Variants in ZC2HC1A observed in about 807,000 individuals in gnomAD.
ZC2HC1A encodes the protein zinc finger C2HC-type containing 1A.
In ZC2HC1A, 28 loss-of-function variants were observed where a neutral mutation model predicts 40.7. That is an observed-to-expected ratio of 0.69 (90% CI 0.51 to 0.94). The LOEUF is 0.94. ZC2HC1A is among the 40% of genes least tolerant of loss of function. The pLI is 0.00. For synonymous variants in ZC2HC1A, 129 were observed against 129.2 expected (o/e 1.00, Z 0.01); for missense variants, 389 against 386.3 (o/e 1.01, Z -0.06).
chr8:78,676,625 C>T (rs1809587020), intron 2 of ZC2HC1A, among the ~76,000 whole-genome samples: 1 of 151,976 alleles, frequency 6.6e-6, no homozygotes, highest in South Asian at 2.1e-4. Flanking sequence ...TGTGCATCCT[C>T]TTACTATTTC....
At chr8:78,673,840 A>T (rs1375474129) in intron 1 of ZC2HC1A, among the ~76,000 whole-genome samples, 1 of 152,114 alleles carries the variant, frequency 6.6e-6, no homozygotes, top group Admixed American at 6.5e-5. Flanking sequence ...TGAAGTAATG[A>T]CATTCTTCTC....
In ZC2HC1A at chr8:78,666,105, G is replaced by A. The variant is rs1045187808; in HGVS notation, c.-44G>A. ...GCTACAGCCAGAGCTGGGCGGTGGC[G>A]GGCGCTGCTGAAGGAGTCTCGCTGA... On this transcript the variant is annotated 5_prime_UTR_variant, in exon 1 of 9. Coordinates refer to ENST00000263849, the MANE Select transcript of ZC2HC1A (RefSeq NM_016010.3). The A allele has an allele frequency of 2.6e-6, 4 of 1,557,344 alleles. No homozygotes were observed. The highest frequency in any genetic ancestry group is 2.4e-5 in the East Asian group (1 of 41,788).
chr8:78,709,694 C>T (rs1586028138), intron 7 of ZC2HC1A, among the ~76,000 whole-genome samples: 2 of 148,992 alleles, frequency 1.3e-5, no homozygotes, highest in East Asian at 2.0e-4. Flanking sequence ...ATAAAATACA[C>T]GAACGCTAAT....
chr8:78,692,693 G>A (rs1810249392), intron 5 of ZC2HC1A, among the ~76,000 whole-genome samples: 3 of 151,948 alleles, frequency 2.0e-5, no homozygotes, highest in African/African-American at 4.8e-5. Context: ...TGGTTATATA[G>A]CCACTTCACC....
intron 1 of ZC2HC1A, 45 bp downstream of exon 1, chr8:78,666,209 GA>G: frequency 6.4e-7 from 1 of 1,562,834 alleles, no homozygotes; most frequent in Admixed American, 1.9e-5. Flanking sequence ...GAGCGGGCCC[GA>G]AACAGCTGGG....
At chr8:78,704,482 G>C (rs879458453) in intron 7 of ZC2HC1A, among the ~76,000 whole-genome samples, 2 of 151,886 alleles carry the variant, frequency 1.3e-5, no homozygotes, top group Admixed American at 6.6e-5. Flanking sequence ...AGTCTGATGG[G>C]CTTTCCTTTG....
chr8:78,706,854 A>G (rs952019600), intron 7 of ZC2HC1A, among the ~76,000 whole-genome samples: 6 of 152,210 alleles, frequency 3.9e-5, no homozygotes, highest in Admixed American at 6.5e-5. Flanking sequence ...CTAAAGGAAT[A>G]TAATGTAATT....
At chr8:78,673,756 A>G (rs1418538975) in intron 1 of ZC2HC1A, among the ~76,000 whole-genome samples, 2 of 152,184 alleles carry the variant, frequency 1.3e-5, no homozygotes, top group African/African-American at 2.4e-5. Context: ...TTATAGTGCT[A>G]TGCTCTATGA....
intron 5 of ZC2HC1A, among the ~76,000 whole-genome samples, chr8:78,692,226 A>G (rs1021373264): frequency 2.0e-5 from 3 of 152,100 alleles, no homozygotes; most frequent in African/African-American, 7.2e-5. Flanking sequence ...TGGTACTACC[A>G]TTCAGTTCTC....
chr8:78,693,945 A>C lies in ZC2HC1A; in HGVS notation c.505-3462A>C, dbSNP rs189338574. ...GGAAGGGATCCAGTTTCAGCTTTCT[A>C]CATATGGCTAGCCAGTTTTCCCAGC... is the stretch of plus-strand genomic sequence containing the variant. On this transcript the variant is annotated intron_variant, in intron 5 of 8. Transcript: ENST00000263849. Among the ~76,000 whole-genome samples, 243 of 152,254 alleles carry C rather than the reference A, an allele frequency of 1.6e-3. 5 individuals carry two copies. The highest frequency in any genetic ancestry group is 0.014 in the Admixed American group (221 of 15,294).
chr8:78,686,927 G>A (rs1414354598), intron 4 of ZC2HC1A, among the ~76,000 whole-genome samples: 1 of 152,090 alleles, frequency 6.6e-6, no homozygotes, highest in Non-Finnish European at 1.5e-5. Context: ...ACTGCGGATT[G>A]AAATGTAGTC....
chr8:78,697,905 C>T (rs1350105554), intron 6 of ZC2HC1A, among the ~76,000 whole-genome samples: 2 of 152,096 alleles, frequency 1.3e-5, no homozygotes, highest in African/African-American at 2.4e-5. Context: ...ATCTCTATCT[C>T]CTGAACTCGT....
intron 8 of ZC2HC1A, 144 bp from the exon 9 acceptor site, chr8:78,717,184 G>A (rs1305075224): frequency 1.5e-6 from 1 of 687,124 alleles, no homozygotes; most frequent in Admixed American, 3.6e-5. Context: ...TACTAACAAG[G>A]ATTTTTTAAA....
intron 7 of ZC2HC1A, among the ~76,000 whole-genome samples, chr8:78,711,612 T>C (rs962224363): frequency 2.0e-5 from 3 of 152,110 alleles, no homozygotes; most frequent in Non-Finnish European, 4.4e-5. Context: ...GTAGAGAAAG[T>C]TTCCATGAAT....
intron 1 of ZC2HC1A, among the ~76,000 whole-genome samples, chr8:78,666,410 G>GC (rs1396885984): frequency 6.6e-6 from 1 of 152,232 alleles, no homozygotes; most frequent in African/African-American, 2.4e-5. Context: ...GCCAGATCCT[G>GC]CCCCTGGCAA....
At chr8:78,679,880 A>G (rs146548595) in intron 3 of ZC2HC1A, among the ~76,000 whole-genome samples, 108 of 152,316 alleles carry the variant, frequency 7.1e-4, no homozygotes, top group African/African-American at 2.5e-3. Context: ...GTATAAATCA[A>G]TATATGACGT....
intron 3 of ZC2HC1A, chr8:78,678,895 G>T (rs1809671930): frequency 3.4e-6 from 1 of 293,394 alleles, no homozygotes; most frequent in African/African-American, 2.2e-5. Flanking sequence ...AAACTTCAAA[G>T]AAGAGACCAA....
chr8:78,718,950 T>C lies in ZC2HC1A; in HGVS notation c.*1457T>C, dbSNP rs1233942451. ...GGCTTATAATTTATCTGAAATTTAT[T>C]AGCTTAGTTTAGTTTGGGCAGGAGT... On this transcript the variant is annotated 3_prime_UTR_variant, in exon 9 of 9. Transcript: ENST00000263849. 3 of 151,806 alleles carry C rather than the reference T, an allele frequency of 2.0e-5. No homozygotes were observed. The highest frequency in any genetic ancestry group is 6.6e-5 in the Admixed American group (1 of 15,244). 9.4% of individuals were successfully genotyped at this position (151,806 alleles called of 1,614,324 possible).
At chr8:78,702,987 C>T (rs1215646691) in intron 7 of ZC2HC1A, among the ~76,000 whole-genome samples, 3 of 152,156 alleles carry the variant, frequency 2.0e-5, no homozygotes, top group Non-Finnish European at 2.9e-5. Context: ...ACCTCTGCCT[C>T]CTGGGTTCAA....
Sources: allele counts gnomAD v4.1 joint callset (sites outside exome capture counted in the v4.1 genomes callset), GRCh38; gene constraint gnomAD v4.1.1; transcripts MANE v1.5; gene names NCBI Gene and HGNC (gene_info 2026-07-23, HGNC 2026-07-21).